The following GUCY1A2 variants were observed in gnomAD, a reference collection of about 807,000 sequenced individuals.
GUCY1A2 encodes guanylate cyclase 1 soluble subunit alpha 2.
GUCY1A2 carries 27 observed loss-of-function variants against 63.5 expected under a neutral mutation model. The ratio of observed to expected loss-of-function variants is 0.43; its 90% CI spans 0.31 to 0.59. GUCY1A2 has a LOEUF of 0.59. Ranked by LOEUF, GUCY1A2 falls within the 20% of genes least tolerant of loss-of-function variation. The probability of loss-of-function intolerance (pLI) is 0.11; values close to 1 mark genes in which losing one functional copy is unlikely to be tolerated. For synonymous variants in GUCY1A2, 364 were observed against 343.5 expected (o/e 1.06, Z -0.66); for missense variants, 768 against 913.3 (o/e 0.84, Z 2.05).
intron 3 of GUCY1A2, among the ~76,000 whole-genome samples, chr11:106,953,425 A>G (rs1361426343): frequency 2.6e-5 from 4 of 152,200 alleles, no homozygotes; most frequent in African/African-American, 4.8e-5. Flanking sequence ...TCAGTTTGCC[A>G]GTATTTTATT....
At chr11:106,922,009 C>A (rs775423656) in intron 4 of GUCY1A2, among the ~76,000 whole-genome samples, 6 of 152,066 alleles carry the variant, frequency 3.9e-5, no homozygotes, top group Non-Finnish European at 7.4e-5. Context: ...TCAGCTCAAC[C>A]CCCAAAAAGC....
chr11:106,744,055 C>T (rs1042871465), intron 6 of GUCY1A2, among the ~76,000 whole-genome samples: 1 of 152,070 alleles, frequency 6.6e-6, no homozygotes, highest in Non-Finnish European at 1.5e-5. Context: ...GTATAACATA[C>T]ATCATTATTA....
At position 106,679,435 on chromosome 11, in the gene GUCY1A2, A is replaced by C. The variant is rs1051460278; in HGVS notation, c.*8114T>G. Reference sequence around the variant, plus strand: ...AGCAGCCAAACCCAATTTGAGAAGAATGTGAAGAAGAATATGGCGTAGAGT... The same window carrying C: ...AGCAGCCAAACCCAATTTGAGAAGACTGTGAAGAAGAATATGGCGTAGAGT... On this transcript the variant is annotated 3_prime_UTR_variant, in exon 8 of 8. Coordinates refer to ENST00000526355, the MANE Select transcript of GUCY1A2 (RefSeq NM_000855.3). 2 of 195,784 alleles carry C rather than the reference A, an allele frequency of 1.0e-5. No individual in the cohort carries two copies. The highest frequency in any genetic ancestry group is 4.6e-5 in the African/African-American group (2 of 43,186). The allele number at this position is 195,784 out of a possible 1,614,324, so 12.1% of individuals were successfully genotyped here.
chr11:106,774,345 CTGGTCT>C (rs1864317201), intron 6 of GUCY1A2, among the ~76,000 whole-genome samples: 1 of 152,056 alleles, frequency 6.6e-6, no homozygotes, highest in African/African-American at 2.4e-5. Context: ...CTTGGCCAAA[CTGGTCT>C]TGAACTCCTG....
At chr11:106,945,282 T>C (rs982325116) in intron 3 of GUCY1A2, among the ~76,000 whole-genome samples, 3 of 151,870 alleles carry the variant, frequency 2.0e-5, no homozygotes, top group Admixed American at 1.3e-4. Context: ...ACAGGTGAGA[T>C]ACTGAGAGAA....
intron 6 of GUCY1A2, among the ~76,000 whole-genome samples, chr11:106,758,623 G>A (rs571327963): frequency 6.6e-6 from 1 of 152,136 alleles, no homozygotes; most frequent in African/African-American, 2.4e-5. Flanking sequence ...GTTGCTATTC[G>A]GCCATCTTGA....
chr11:106,943,398 C>T (rs916117219), intron 3 of GUCY1A2, among the ~76,000 whole-genome samples: 4 of 152,202 alleles, frequency 2.6e-5, no homozygotes, highest in Non-Finnish European at 5.9e-5. Flanking sequence ...TATAACAAAG[C>T]TGCTCTTATT....
At chr11:106,992,552 G>A (rs1024804442) in intron 1 of GUCY1A2, among the ~76,000 whole-genome samples, 2 of 151,716 alleles carry the variant, frequency 1.3e-5, no homozygotes, top group Non-Finnish European at 2.9e-5. Flanking sequence ...GGATGGTCTC[G>A]ATCTCCTGAC....
At chr11:106,858,176 A>T (rs1859462770) in intron 4 of GUCY1A2, among the ~76,000 whole-genome samples, 1 of 152,202 alleles carries the variant, frequency 6.6e-6, no homozygotes, top group African/African-American at 2.4e-5. Context: ...CTTAAAACAT[A>T]AATAAGTCTT....
intron 4 of GUCY1A2, among the ~76,000 whole-genome samples, chr11:106,910,294 G>A (rs1342543815): frequency 6.6e-6 from 1 of 151,852 alleles, no homozygotes; most frequent in African/African-American, 2.4e-5. Flanking sequence ...ATTTCAAAAT[G>A]CATGTAAAGG....
chr11:106,982,223 A>T (rs1031648065), intron 2 of GUCY1A2, among the ~76,000 whole-genome samples: 2 of 152,218 alleles, frequency 1.3e-5, no homozygotes, highest in Non-Finnish European at 2.9e-5. Context: ...ACATACAAAG[A>T]GAAGAAAGGG....
At chr11:106,750,565 A>T (rs1863865148) in intron 6 of GUCY1A2, among the ~76,000 whole-genome samples, 1 of 152,118 alleles carries the variant, frequency 6.6e-6, no homozygotes, top group South Asian at 2.1e-4. Context: ...TGCTGCAATT[A>T]GAAAACAGTA....
At chr11:106,836,925 C>A (rs1385017160) in intron 4 of GUCY1A2, among the ~76,000 whole-genome samples, 1 of 151,844 alleles carries the variant, frequency 6.6e-6, no homozygotes, top group African/African-American at 2.4e-5. Flanking sequence ...TTATAAATTT[C>A]AACTTTTTGC....
At chr11:106,950,024 C>G (rs1363372282) in intron 3 of GUCY1A2, among the ~76,000 whole-genome samples, 1 of 152,154 alleles carries the variant, frequency 6.6e-6, no homozygotes, top group Non-Finnish European at 1.5e-5. Context: ...ATTTTGTACC[C>G]TTCAGTATTC....
chr11:106,988,037 C>T (rs767009984), intron 1 of GUCY1A2, among the ~76,000 whole-genome samples: 2 of 152,264 alleles, frequency 1.3e-5, no homozygotes, highest in South Asian at 2.1e-4. Context: ...TATACCAGGC[C>T]TCAGACTGGC....
intron 6 of GUCY1A2, among the ~76,000 whole-genome samples, chr11:106,768,009 A>T (rs1263015438): frequency 2.0e-5 from 3 of 152,194 alleles, no homozygotes; most frequent in Admixed American, 1.3e-4. Flanking sequence ...AACAAACAAT[A>T]AACAAGGGGA....
In GUCY1A2 at chr11:106,710,212, CATGTATATAATATAG is replaced by C. The variant is rs1565265519; in HGVS notation, c.1837-1561_1837-1547del. ...ATAATATATAGTTATATATTATATA[CATGTATATAATATAG>C]TTATATATATAATATATAGTTATAT... On this transcript the variant is annotated intron_variant, in intron 6 of 7. Coordinates refer to ENST00000526355, the MANE Select transcript of GUCY1A2 (RefSeq NM_000855.3). Among the ~76,000 whole-genome samples, 2 of 43,350 alleles carry C rather than the reference CATGTATATAATATAG, an allele frequency of 4.6e-5. 1 individual carries two copies. The highest frequency in any genetic ancestry group is 7.6e-5 in the Non-Finnish European group (2 of 26,388). 28.4% of individuals were successfully genotyped at this position (43,350 alleles called of 152,430 possible). A position where few individuals can be genotyped will look rare whatever the true frequency, so the allele number is the denominator to read the frequency against.
At chr11:106,989,100 C>A (rs1861438748) in intron 1 of GUCY1A2, among the ~76,000 whole-genome samples, 1 of 152,186 alleles carries the variant, frequency 6.6e-6, no homozygotes, top group South Asian at 2.1e-4. Flanking sequence ...TGCAGACTGT[C>A]TATCCTCTTC....
chr11:106,776,393 G>A (rs1864357296), intron 6 of GUCY1A2, 46 bp downstream of exon 6: 2 of 1,488,888 alleles, frequency 1.3e-6, no homozygotes, highest in Non-Finnish European at 1.9e-6. Flanking sequence ...GCCTCCTCCA[G>A]TTAATGGTGC....
Sources: allele counts gnomAD v4.1 joint callset (sites outside exome capture counted in the v4.1 genomes callset), GRCh38; gene constraint gnomAD v4.1.1; transcripts MANE v1.5; gene names NCBI Gene and HGNC (gene_info 2026-07-23, HGNC 2026-07-21).